The following IQSEC1 variants were observed in gnomAD, a reference collection of about 807,000 sequenced individuals.
The protein encoded by IQSEC1 is IQ motif and Sec7 domain ArfGEF 1, also known as IQ motif and SEC7 domain-containing protein 1.
Under a neutral mutation model 91.0 loss-of-function variants are expected in IQSEC1, and 31 were observed. The ratio of observed to expected loss-of-function variants is 0.34; its 90% confidence interval spans 0.26 to 0.46. The LOEUF (loss-of-function observed/expected upper bound fraction) is 0.46, where lower values mean the gene tolerates loss of function less well. Among genes scored for constraint, IQSEC1 ranks in the 20% least tolerant of loss-of-function variants. The pLI is 1.00. For missense variants in IQSEC1, 1,388 were observed against 1,575.6 expected, an observed-to-expected ratio of 0.88 and a Z score of 2.02; for synonymous variants, 699 against 662.6, an observed-to-expected ratio of 1.05 and a Z score of -0.84.
At chr3:12,937,653 CTA>C in intron 2 of IQSEC1, among the ~76,000 whole-genome samples, 1 of 152,302 alleles carries the variant, frequency 6.6e-6, no homozygotes, top group East Asian at 1.9e-4. Context: ...GACCTGCCTC[CTA>C]TGACTGTGGT....
intron 1 of IQSEC1, among the ~76,000 whole-genome samples, chr3:13,182,815 C>T (rs1378531327): frequency 6.6e-6 from 1 of 152,120 alleles, no homozygotes; most frequent in African/African-American, 2.4e-5. Flanking sequence ...ATATTTATAG[C>T]ATTAAATGAT....
chr3:12,967,839 G>T lies in IQSEC1; in HGVS notation c.24-25974C>A, dbSNP rs1404860177. 3.4e-6 allele frequency: 1 copy of T among 292,578 alleles called. No homozygotes were observed. The highest frequency in any genetic ancestry group is 2.3e-5 in the African/African-American group (1 of 42,568). 18.1% of individuals were successfully genotyped at this position (292,578 alleles called of 1,614,324 possible). A position where few individuals can be genotyped will look rare whatever the true frequency, so the allele number is the denominator to read the frequency against. ...GGCGAGACTGCACGGAGCGTGTGGG[G>T]AAGAGAGCACAGGAGGCGTGGCCAC... On this transcript the variant is annotated intron_variant, in intron 1 of 13. Coordinates refer to ENST00000613206, the MANE Select transcript of IQSEC1 (RefSeq NM_001134382.3). This position sits in a 1 kb window ranked among gnomAD's most constrained non-coding sequence, Gnocchi z 5.9.
At chr3:13,180,046 G>A (rs893709467) in intron 1 of IQSEC1, among the ~76,000 whole-genome samples, 8 of 152,134 alleles carry the variant, frequency 5.3e-5, no homozygotes, top group South Asian at 2.1e-4. Context: ...GACGAGCACC[G>A]CACCCTGCTC....
At position 12,915,569 on chromosome 3, in the gene IQSEC1, CCACGTACCAGGGCCCAT is replaced by C; in HGVS notation, c.2160+8_2160+24del. On this transcript the variant is annotated splice_region_variant and intron_variant, in intron 7 of 13. Transcript: ENST00000613206. ...CCCGCCCGGGTGGTGCTGGGGCCCA[CCACGTACCAGGGCCCAT>C]CACATACCGGCTTTTTCCCCACAAT... 2.5e-6 allele frequency: 4 copies of C among 1,609,430 alleles called. No homozygotes were observed. Among genetic ancestry groups the C allele is most frequent in the South Asian group, 2.2e-5 (2 of 90,886 alleles).
At position 13,255,263 on chromosome 3, in the gene IQSEC1, G is replaced by A. The variant is rs150430361; in HGVS notation, c.272+27448C>T. ...AGAGGCAGACCGGACACTGGGCTTC[G>A]GTGCTGCAGCCAGGGGTTCCTGAGG... On this transcript the variant is annotated intron_variant, in intron 1 of 15. Coordinates refer to the IQSEC1 transcript ENST00000648114. Among the ~76,000 whole-genome samples the A allele has an allele frequency of 6.9e-3, 1,053 of 152,282 alleles. 11 individuals carry two copies. Among genetic ancestry groups the A allele is most frequent in the African/African-American group, 0.024 (989 of 41,558 alleles).
chr3:13,129,571 T>A (rs1706572041), intron 2 of IQSEC1, among the ~76,000 whole-genome samples: 1 of 152,152 alleles, frequency 6.6e-6, no homozygotes, highest in Non-Finnish European at 1.5e-5. Flanking sequence ...TCTAGGTTCA[T>A]TGATCTGAGA....
chr3:13,134,455 G>T (rs1405656520), intron 2 of IQSEC1, among the ~76,000 whole-genome samples: 3 of 152,258 alleles, frequency 2.0e-5, no homozygotes, highest in Non-Finnish European at 4.4e-5. Context: ...TGGGCGTCCT[G>T]GAGCAGCCCA....
intron 1 of IQSEC1, among the ~76,000 whole-genome samples, chr3:13,179,892 C>T (rs1055584152): frequency 3.9e-5 from 6 of 152,372 alleles, no homozygotes; most frequent in Admixed American, 2.0e-4. Context: ...AGGGGTTTAG[C>T]ACCTGGGCCA....
chr3:13,074,435 CCTGT>C (rs1234820103), upstream of IQSEC1, among the ~76,000 whole-genome samples: 1 of 152,220 alleles, frequency 6.6e-6, no homozygotes, highest in Non-Finnish European at 1.5e-5. Flanking sequence ...TTTCTCTCTT[CCTGT>C]CTGATGTTCA....
chr3:13,214,886 T>C lies in IQSEC1; in HGVS notation c.273-50753A>G. Among the ~76,000 whole-genome samples the C allele has an allele frequency of 6.6e-6, 1 of 152,222 alleles. No individual in the cohort carries two copies. Among genetic ancestry groups the C allele is most frequent in the East Asian group, 1.9e-4 (1 of 5,196 alleles). ...CGCCAGGACCGACGTCGGGCTCTGCTGAGCACTAGCCGAATGAACAGGCAC... is the reference window on the plus strand; with the variant it reads ...CGCCAGGACCGACGTCGGGCTCTGCCGAGCACTAGCCGAATGAACAGGCAC... On this transcript the variant is annotated intron_variant, in intron 1 of 15. Coordinates refer to the IQSEC1 transcript ENST00000648114. The surrounding 1 kb of genome is among the most constrained non-coding windows in gnomAD (Gnocchi z 4.5).
At chr3:12,941,509 C>G in intron 2 of IQSEC1, 62 bp downstream of exon 2, 1 of 1,437,726 alleles carries the variant, frequency 7.0e-7, no homozygotes, top group Non-Finnish European at 9.3e-7. Flanking sequence ...GGTGGGGGCA[C>G]ACATGGTGGG....
At chr3:13,131,814 C>A (rs890160515) in intron 2 of IQSEC1, among the ~76,000 whole-genome samples, 4 of 152,198 alleles carry the variant, frequency 2.6e-5, no homozygotes, top group African/African-American at 9.6e-5. Flanking sequence ...TTCTTTCTGT[C>A]CCATTGGCTT....
At chr3:13,167,026 C>T (rs1438785767) in intron 1 of IQSEC1, among the ~76,000 whole-genome samples, 2 of 152,200 alleles carry the variant, frequency 1.3e-5, no homozygotes, top group East Asian at 3.8e-4. Context: ...TGTGCATGTG[C>T]AAACATGTGT....
At chr3:13,169,595 G>A (rs1477421287) in intron 1 of IQSEC1, among the ~76,000 whole-genome samples, 2 of 152,228 alleles carry the variant, frequency 1.3e-5, no homozygotes, top group East Asian at 3.8e-4. Context: ...GAATGGCTTT[G>A]CCCAAAATGC....
At chr3:13,143,928 T>C (rs1226214002) in intron 2 of IQSEC1, among the ~76,000 whole-genome samples, 2 of 152,192 alleles carry the variant, frequency 1.3e-5, no homozygotes, top group Admixed American at 6.5e-5. Flanking sequence ...CCACTTTGAA[T>C]TGGGTTTTCT....
At chr3:13,234,663 T>TTGCCCAGTGCA (rs1274719544) in intron 1 of IQSEC1, among the ~76,000 whole-genome samples, 2 of 152,116 alleles carry the variant, frequency 1.3e-5, no homozygotes, top group African/African-American at 4.8e-5. Flanking sequence ...TCAAGTGAAA[T>TTGCCCAGTGCA]TGCCCAGTGC....
At chr3:13,281,396 G>A (rs532597601) in intron 1 of IQSEC1, among the ~76,000 whole-genome samples, 2 of 152,160 alleles carry the variant, frequency 1.3e-5, no homozygotes, top group South Asian at 2.1e-4. Flanking sequence ...CTATACACAC[G>A]TCCCGCTCCT....
At chr3:13,036,244 G>A (rs1316558155) in intron 1 of IQSEC1, among the ~76,000 whole-genome samples, 2 of 152,058 alleles carry the variant, frequency 1.3e-5, no homozygotes, top group Non-Finnish European at 2.9e-5. Flanking sequence ...CTCAGTGGAG[G>A]TGGTCACCTG....
chr3:13,255,666 A>G lies in IQSEC1; in HGVS notation c.272+27045T>C, dbSNP rs146052772. 4.1e-3 allele frequency among the ~76,000 whole-genome samples: 628 copies of G among 152,104 alleles called. 7 individuals carry two copies. The highest frequency in any genetic ancestry group is 0.014 in the African/African-American group (590 of 41,492). Reference sequence around the variant, plus strand: ...GGGTCTTGCTCTGTCATCCAGGCTGAAGAGCAGCGGAGGGATCATGGCTCA... The same window carrying G: ...GGGTCTTGCTCTGTCATCCAGGCTGGAGAGCAGCGGAGGGATCATGGCTCA... On this transcript the variant is annotated intron_variant, in intron 1 of 15. Coordinates refer to the IQSEC1 transcript ENST00000648114.
Sources: allele counts gnomAD v4.1 joint callset (sites outside exome capture counted in the v4.1 genomes callset), GRCh38; gene constraint gnomAD v4.1.1; non-coding constraint Gnocchi (gnomAD v3.1); transcripts MANE v1.5; gene names NCBI Gene and HGNC (gene_info 2026-07-23, HGNC 2026-07-21).